The following PIEZO1 variants were observed in gnomAD, a reference collection of about 807,000 sequenced individuals.
The protein encoded by PIEZO1 is piezo-type mechanosensitive ion channel component 1.
PIEZO1 carries 296 observed loss-of-function variants against 297.2 expected under a neutral mutation model. That is an observed-to-expected ratio of 1.00 (90% confidence interval 0.91 to 1.10). The LOEUF is 1.10. Among genes scored for constraint, PIEZO1 ranks in the 50% least tolerant of loss-of-function variants. The pLI, the probability that PIEZO1 is intolerant of heterozygous loss-of-function variation, is 0.00. For missense variants in PIEZO1, 5,018 were observed against 3,455.5 expected, an observed-to-expected ratio of 1.45 and a Z score of -11.34; for synonymous variants, 2,427 against 1,507.5, an observed-to-expected ratio of 1.61 and a Z score of -14.13.
chr16:88,722,507 G>A, intron 35 of PIEZO1, 76 bp downstream of exon 35: 3 of 1,427,412 alleles, frequency 2.1e-6, no homozygotes, highest in South Asian at 1.4e-5. Context: ...CAAGGGAATG[G>A]CGAGGGTCGG....
In PIEZO1 at chr16:88,715,719, G is replaced by A; in HGVS notation, c.7452C>T (p.Ile2484=). 2 of 1,550,422 alleles carry A rather than the reference G, an allele frequency of 1.3e-6. No homozygotes were observed. Among genetic ancestry groups the A allele is most frequent in the Non-Finnish European group, 1.7e-6 (2 of 1,146,926 alleles). ...GCTCCCGAGTCTCCCGCACCAGGAA[G>A]ATGTCCTGGCAGAGCTTGAGGATGC... ...VDRILKLCQD[I]FLVRETRELE... is the part of the protein sequence containing the mutation. The change falls in exon 51 of 51, where the codon ATC becomes ATT. Residue 2484 remains isoleucine (I), a synonymous_variant. Transcript: ENST00000301015.
chr16:88,742,532 G>C, intron 2 of PIEZO1, 110 bp from the exon 3 acceptor site: 2 of 1,161,832 alleles, frequency 1.7e-6, no homozygotes, highest in Non-Finnish European at 2.4e-6. Flanking sequence ...AGAGGCCTGA[G>C]ATGCAAACCC....
chr16:88,783,868 C>G (rs927599782), intron 1 of PIEZO1, among the ~76,000 whole-genome samples: 1 of 152,228 alleles, frequency 6.6e-6, no homozygotes, highest in Admixed American at 6.5e-5. Context: ...TAGCGCTGGG[C>G]GAGCTCCCAC....
At position 88,725,620 on chromosome 16, in the gene PIEZO1, TCTC is replaced by T. The variant is rs1461753622; in HGVS notation, c.4030_4032del (p.Glu1344del). 28 of 1,549,452 alleles carry T rather than the reference TCTC, an allele frequency of 1.8e-5. No individual in the cohort carries two copies. Among genetic ancestry groups the T allele is most frequent in the East Asian group, 7.3e-5 (3 of 40,908 alleles). On this transcript the variant is annotated inframe_deletion, in exon 28 of 51. Transcript: ENST00000301015. ...TGTCTTTTCAGCTGGGCCAGGGACT[TCTC>T]CTCTATCCTGCGGTGAAAGTCAATG...
At chr16:88,744,310 TG>T (rs1171689822) in intron 2 of PIEZO1, 5 of 152,478 alleles carry the variant, frequency 3.3e-5, no homozygotes, top group Admixed American at 3.3e-4. Flanking sequence ...TCTGTGGCAC[TG>T]GGCACTCAGG....
intron 1 of PIEZO1, among the ~76,000 whole-genome samples, chr16:88,775,220 G>A (rs1034739785): frequency 2.0e-5 from 3 of 152,232 alleles, no homozygotes; most frequent in African/African-American, 7.2e-5. Context: ...GGATTGCCTG[G>A]CACAGGCTGG....
chr16:88,721,455 G>C, intron 38 of PIEZO1, 25 bp from the exon 39 acceptor site: 1 of 1,540,766 alleles, frequency 6.5e-7, no homozygotes, highest in Non-Finnish European at 8.8e-7. Context: ...GGTGTGGTGA[G>C]GGGGCCTTGC....
Position 88,722,602 on chromosome 16 carries a change from C to A in PIEZO1, c.4756G>T (p.Ala1586Ser), listed in dbSNP as rs1355018220. ...ACCTACCTGGACACGGTGCTTGGGG[C>A]ATTGGGGGCCTCGGTGGGGCCTGGC... is the stretch of plus-strand genomic sequence containing the variant. ...TLPGPTEAPN[A>S]PSTVSSGLGA... Residue 1586 changes from alanine to serine, a missense_variant, in exon 35 of 51, where the codon GCC (alanine) becomes TCC (serine). By Grantham distance (99) the Ala-to-Ser change is moderately conservative. Transcript: ENST00000301015. The A allele has an allele frequency of 3.9e-6, 6 of 1,537,248 alleles. No homozygotes were observed. In the South Asian group the frequency reaches 6.0e-5, roughly 15 times the overall value.
In PIEZO1 at chr16:88,733,516, T is replaced by TTGGGGAGGCCAGC. The variant is rs1567671574; in HGVS notation, c.2487+59_2488-63dup. On this transcript the variant is annotated intron_variant, in intron 18 of 50. Transcript: ENST00000301015. ...GGGCAGTGGGCACGTGGGGCTGGGC[T>TTGGGGAGGCCAGC]TGGGGAGGCCAGCTGGGCAGGCCAG... is the stretch of plus-strand genomic sequence containing the variant. 4 of 1,531,240 alleles carry TTGGGGAGGCCAGC rather than the reference T, an allele frequency of 2.6e-6. No individual in the cohort carries two copies. In the African/African-American group the frequency reaches 5.5e-5, roughly 21 times the overall value. 94.9% of individuals were successfully genotyped at this position (1,531,240 alleles called of 1,614,324 possible).
At chr16:88,742,192 G>C (rs1484492936) in intron 3 of PIEZO1, 97 bp from the exon 4 acceptor site, 1 of 1,503,642 alleles carries the variant, frequency 6.7e-7, no homozygotes, top group Non-Finnish European at 8.9e-7. Flanking sequence ...ATCCAGGCCA[G>C]ACATAAATCA....
At chr16:88,720,350 G>A (rs1261668765) in intron 41 of PIEZO1, 35 bp downstream of exon 41, 4 of 1,550,094 alleles carry the variant, frequency 2.6e-6, no homozygotes, top group Admixed American at 2.0e-5. Flanking sequence ...GCTGAGCTCT[G>A]CGTACACTGG....
chr16:88,720,583 A>T (rs1376237320), intron 40 of PIEZO1, 33 bp downstream of exon 40: 2 of 731,848 alleles, frequency 2.7e-6, no homozygotes, highest in African/African-American at 3.5e-5. Flanking sequence ...CCCCACCCCC[A>T]CTCCCCAGCT....
chr16:88,731,962 G>GTGGGGCATGGGGATGC, intron 21 of PIEZO1, 52 bp from the exon 22 acceptor site: 2 of 118,602 alleles, frequency 1.7e-5, no homozygotes, highest in South Asian at 1.8e-4. Context: ...TGGGGGGAGG[G>GTGGGGCATGGGGATGC]ACTTTCTTGT....
At chr16:88,765,341 G>A (rs543840119) in intron 1 of PIEZO1, among the ~76,000 whole-genome samples, 2 of 152,294 alleles carry the variant, frequency 1.3e-5, no homozygotes, top group Non-Finnish European at 2.9e-5. Context: ...TTCCCCCCAG[G>A]CCACTGGGAC....
At position 88,734,953 on chromosome 16, in the gene PIEZO1, C is replaced by G. The variant is rs1212488782; in HGVS notation, c.1770G>C (p.Val590=). 2 of 1,550,400 alleles carry G rather than the reference C, an allele frequency of 1.3e-6. No homozygotes were observed. The highest frequency in any genetic ancestry group is 2.7e-5 in the African/African-American group (2 of 73,064). ...WIYVCAGMFI[V]VSFAGRLVVY... The stretch of plus-strand genomic sequence containing the variant: ...CCACGAGGCGGCCGGCGAAGCTGAC[C>G]ACGATGAACATGCCAGCACACACAT... The change falls in exon 14 of 51, where the codon GTG becomes GTC. Residue 590 remains valine (V), a synonymous_variant. Transcript: ENST00000301015.
Position 88,734,118 on chromosome 16 carries a change from G to T in PIEZO1, c.2181-64C>A, listed in dbSNP as rs537913724. The T allele has an allele frequency of 4.8e-6, 7 of 1,462,936 alleles. No homozygotes were observed. The African/African-American group carries it at 8.5e-5, about 18-fold the overall frequency. 90.6% of individuals were successfully genotyped at this position (1,462,936 alleles called of 1,614,324 possible). A position where few individuals can be genotyped will look rare whatever the true frequency, so the allele number is the denominator to read the frequency against. On this transcript the variant is annotated intron_variant, in intron 16 of 50. Transcript: ENST00000301015. ...TCCTGCCCCTCATTTCCTGGGGCTGGAAGAAGCCCTGTCGGCACCGCTTCT... is the reference window on the plus strand; with the variant it reads ...TCCTGCCCCTCATTTCCTGGGGCTGTAAGAAGCCCTGTCGGCACCGCTTCT...
In PIEZO1 at chr16:88,736,657, G is replaced by A. The variant is rs946365829; in HGVS notation, c.1278C>T (p.Cys426=). The A allele has an allele frequency of 1.1e-5, 17 of 1,532,102 alleles. No homozygotes were observed. Among genetic ancestry groups the A allele is most frequent in the Middle Eastern group, 2.1e-4 (1 of 4,700 alleles). The allele number at this position is 1,532,102 out of a possible 1,614,324, so 94.9% of individuals were successfully genotyped here. ...GHLIMDQSYV[C]ALIAMMVWSI... is the part of the protein sequence containing the mutation. ...CGCCTACCATCATGGCAATGAGCGC[G>A]CACACATAGCTCTGGTCCATGATGA... Residue 426 remains cysteine, a synonymous_variant, in exon 11 of 51, where the codon TGC becomes TGT. Coordinates refer to ENST00000301015, the MANE Select transcript of PIEZO1 (RefSeq NM_001142864.4).
chr16:88,766,650 C>T (rs937499024), intron 1 of PIEZO1, among the ~76,000 whole-genome samples: 1 of 152,210 alleles, frequency 6.6e-6, no homozygotes, highest in African/African-American at 2.4e-5. Context: ...GCGAGTGGGA[C>T]GCCGGGGGCC....
At chr16:88,757,024 C>G (rs534162721) in intron 1 of PIEZO1, among the ~76,000 whole-genome samples, 2 of 150,752 alleles carry the variant, frequency 1.3e-5, no homozygotes, top group Non-Finnish European at 3.0e-5. Context: ...TGCAGTGAGC[C>G]GAGATCAGGA....
Sources: allele counts gnomAD v4.1 joint callset (sites outside exome capture counted in the v4.1 genomes callset), GRCh38; gene constraint gnomAD v4.1.1; transcripts MANE v1.5; gene names NCBI Gene and HGNC (gene_info 2026-07-23, HGNC 2026-07-21).